Variants in MYO1E observed in about 807,000 individuals in gnomAD.
MYO1E encodes the protein unconventional myosin-Ie.
MYO1E carries 68 observed loss-of-function variants against 151.1 expected under a neutral mutation model. The ratio of observed to expected loss-of-function variants is 0.45; its 90% confidence interval spans 0.37 to 0.55. The LOEUF is 0.55. Ranked by LOEUF, MYO1E falls within the 20% of genes least tolerant of loss-of-function variation. The probability of loss-of-function intolerance (pLI) is 0.00; values close to 1 mark genes in which losing one functional copy is unlikely to be tolerated. For missense variants in MYO1E, 1,363 were observed against 1,389.3 expected (o/e 0.98, Z 0.30); for synonymous variants, 601 against 501.7 (o/e 1.20, Z -2.64).
In MYO1E at chr15:59,132,964, T is replaced by G. The variant is rs2079353433; in HGVS notation, c.*4416A>C. 1 of 152,198 alleles carries G rather than the reference T, an allele frequency of 6.6e-6. No individual in the cohort carries two copies. Among genetic ancestry groups the G allele is most frequent in the African/African-American group, 2.4e-5 (1 of 41,448 alleles). 9.4% of individuals were successfully genotyped at this position (152,198 alleles called of 1,614,324 possible). A position where few individuals can be genotyped will look rare whatever the true frequency, so the allele number is the denominator to read the frequency against. On this transcript the variant is annotated 3_prime_UTR_variant, in exon 28 of 28. Coordinates refer to ENST00000288235, the MANE Select transcript of MYO1E (RefSeq NM_004998.4). ...CTAGCTGTTGAGTTTTATGCGTGAG[T>G]TTTCTTCTCTCTCTCTTTTTAAATA...
intron 26 of MYO1E, among the ~76,000 whole-genome samples, chr15:59,138,681 G>A (rs866879168): frequency 1.8e-4 from 27 of 152,114 alleles, no homozygotes; most frequent in Non-Finnish European, 1.5e-5. Context: ...TTTAAATCAG[G>A]AACATTCAGG....
intron 1 of MYO1E, among the ~76,000 whole-genome samples, chr15:59,370,695 A>G (rs2080939721): frequency 1.3e-5 from 2 of 152,214 alleles, no homozygotes; most frequent in Admixed American, 1.3e-4. Context: ...GCATGGTATC[A>G]CAGGTTTCGG....
At chr15:59,323,500 C>T (rs1320007070) in intron 1 of MYO1E, among the ~76,000 whole-genome samples, 2 of 149,828 alleles carry the variant, frequency 1.3e-5, no homozygotes, top group Non-Finnish European at 3.0e-5. Flanking sequence ...AAAATACACA[C>T]AAAAAAATAG....
intron 22 of MYO1E, among the ~76,000 whole-genome samples, chr15:59,167,904 C>G (rs1486520983): frequency 1.3e-5 from 2 of 152,234 alleles, no homozygotes; most frequent in East Asian, 3.9e-4. Flanking sequence ...GTCTTGAACG[C>G]CTGACCTCAA....
rs75012803 is a variant in MYO1E at position 59,348,211 on chromosome 15, C to T, written c.3+24287G>A. 3.3e-5 allele frequency among the ~76,000 whole-genome samples: 5 copies of T among 152,282 alleles called. No homozygotes were observed. The East Asian group carries it at 7.7e-4, about 24-fold the overall frequency. Reference sequence around the variant, plus strand: ...TGACAGCGATGAAACCCCCCAGGTGCTAGTCACACAAAGGCTTACCTTTTG... The same window carrying T: ...TGACAGCGATGAAACCCCCCAGGTGTTAGTCACACAAAGGCTTACCTTTTG... On this transcript the variant is annotated intron_variant, in intron 1 of 27. Coordinates refer to ENST00000288235, the MANE Select transcript of MYO1E (RefSeq NM_004998.4).
chr15:59,209,277 T>A (rs2079861410), intron 13 of MYO1E, among the ~76,000 whole-genome samples: 1 of 152,242 alleles, frequency 6.6e-6, no homozygotes. Flanking sequence ...ATTTCCTTTT[T>A]CACATAGCAC....
intron 19 of MYO1E, among the ~76,000 whole-genome samples, chr15:59,174,955 C>T (rs2079616223): frequency 6.6e-6 from 1 of 152,132 alleles, no homozygotes; most frequent in African/African-American, 2.4e-5. Flanking sequence ...ACAGCTGCGC[C>T]TCAACCAGGC....
At chr15:59,366,464 T>C (rs1297759953) in intron 1 of MYO1E, among the ~76,000 whole-genome samples, 7 of 151,988 alleles carry the variant, frequency 4.6e-5, no homozygotes, top group African/African-American at 1.5e-4. Flanking sequence ...ATTTTTAAAA[T>C]TTTTTTTGGT....
At chr15:59,318,195 C>A (rs1263568393) in intron 1 of MYO1E, among the ~76,000 whole-genome samples, 1 of 152,194 alleles carries the variant, frequency 6.6e-6, no homozygotes, top group Non-Finnish European at 1.5e-5. Flanking sequence ...CTCTGGTATA[C>A]CCAGGCCTCT....
chr15:59,224,914 T>C, intron 7 of MYO1E, 91 bp from the exon 8 acceptor site: 4 of 1,548,702 alleles, frequency 2.6e-6, no homozygotes, highest in South Asian at 2.3e-5. Flanking sequence ...CCCTAAGGAC[T>C]TTCTATCTCT....
At position 59,351,062 on chromosome 15, in the gene MYO1E, A is replaced by G. The variant is rs552229025; in HGVS notation, c.3+21436T>C. ...CAGGCGTCCACCACCACGCCCAGCT[A>G]ATTTTTTTGTGTATTTTTAGTAGAC... On this transcript the variant is annotated intron_variant, in intron 1 of 27. Coordinates refer to ENST00000288235, the MANE Select transcript of MYO1E (RefSeq NM_004998.4). Among the ~76,000 whole-genome samples, 88 of 152,162 alleles carry G rather than the reference A, an allele frequency of 5.8e-4. 1 individual carries two copies. In the Middle Eastern group the frequency reaches 0.02, roughly 35 times the overall value.
chr15:59,278,707 A>G (rs1273413059), intron 1 of MYO1E, among the ~76,000 whole-genome samples: 1 of 152,294 alleles, frequency 6.6e-6, no homozygotes, highest in East Asian at 1.9e-4. Flanking sequence ...ATGAGGAAAA[A>G]GTGTTCCTGA....
At chr15:59,306,831 G>A (rs1286107771) in intron 1 of MYO1E, among the ~76,000 whole-genome samples, 5 of 152,236 alleles carry the variant, frequency 3.3e-5, no homozygotes, top group Admixed American at 2.6e-4. Context: ...TGGTGCTCAT[G>A]CTCATGAGTT....
Position 59,231,710 on chromosome 15 carries a change from TG to T in MYO1E, c.501del (p.Ser168AlafsTer33). 1.2e-6 allele frequency: 2 copies of T among 1,614,088 alleles called. No homozygotes were observed. Among genetic ancestry groups the T allele is most frequent in the Non-Finnish European group, 1.7e-6 (2 of 1,179,948 alleles). ...ACAGGGAAGGGACTTACAAATCGGC[TG>T]GAGTTGTTGTTCCGGACGGTCTTGG... ...GNAKTVRNNN[S>X]SRFGKYFEIQ... On this transcript the variant is annotated frameshift_variant, in exon 6 of 28. Transcript: ENST00000288235. LOFTEE classifies it high-confidence loss of function.
At chr15:59,363,564 A>G (rs185642669) in intron 1 of MYO1E, among the ~76,000 whole-genome samples, 136 of 152,350 alleles carry the variant, frequency 8.9e-4, no homozygotes, top group Admixed American at 6.3e-3. Context: ...ACCACTTTTC[A>G]AAGAGCATGG....
chr15:59,217,893 C>T lies in MYO1E; in HGVS notation c.1105G>A (p.Asp369Asn), dbSNP rs1596370831. The stretch of plus-strand genomic sequence containing the variant: ...CAGCATCAACTTCTGTTACTTACAT[C>T]TACCAAGAAATCAAAGACCCGGGCG... ...LHARVFDFLV[D>N]SINKAMEKDH... The change falls in exon 10 of 28, where the codon GAT becomes AAT. Residue 369 changes from aspartate (D) to asparagine (N), a missense_variant and splice_region_variant. Transcript: ENST00000288235. 6.2e-7 allele frequency: 1 copy of T among 1,614,068 alleles called. No individual in the cohort carries two copies. The highest frequency in any genetic ancestry group is 8.5e-7 in the Non-Finnish European group (1 of 1,179,964).
intron 5 of MYO1E, among the ~76,000 whole-genome samples, chr15:59,234,422 C>G (rs748438011): frequency 6.6e-6 from 1 of 152,026 alleles, no homozygotes; most frequent in Non-Finnish European, 1.5e-5. Flanking sequence ...ACGTCTGGCC[C>G]GCAAACAAAA....
chr15:59,278,816 T>A (rs2080336537), intron 1 of MYO1E, among the ~76,000 whole-genome samples: 1 of 152,168 alleles, frequency 6.6e-6, no homozygotes, highest in Non-Finnish European at 1.5e-5. Context: ...CAGAAATACG[T>A]GCCAATGCTT....
intron 4 of MYO1E, among the ~76,000 whole-genome samples, chr15:59,254,676 GTTTT>G (rs35152120): frequency 1.3e-5 from 2 of 150,352 alleles, no homozygotes; most frequent in African/African-American, 4.9e-5. Flanking sequence ...ACAATAAAAG[GTTTT>G]TTTTTTCCCA....
Sources: gnomAD v4.1 joint callset for allele counts (sites outside exome capture counted in the v4.1 genomes callset) on GRCh38, gnomAD v4.1.1 for gene constraint, MANE v1.5 for transcripts, NCBI Gene and HGNC (gene_info 2026-07-23, HGNC 2026-07-21) for gene names.